PCDH15: variants seen among roughly 807,000 people sequenced by gnomAD.
PCDH15 encodes the protein protocadherin related 15.
In PCDH15, 129 loss-of-function variants were observed where a neutral mutation model predicts 178.5. The ratio of observed to expected loss-of-function variants is 0.72; its 90% CI spans 0.63 to 0.84. PCDH15 has a LOEUF of 0.84. Among genes scored for constraint, PCDH15 ranks in the 40% least tolerant of loss-of-function variants. The pLI is 0.00. For missense variants in PCDH15, 2,230 were observed against 2,099.9 expected (o/e 1.06, Z -1.21); for synonymous variants, 800 against 732.0 (o/e 1.09, Z -1.50).
intron 1 of PCDH15, among the ~76,000 whole-genome samples, chr10:54,780,951 A>G (rs1040554231): frequency 6.6e-6 from 1 of 152,064 alleles, no homozygotes; most frequent in Non-Finnish European, 1.5e-5. Context: ...TAAAGTCTCA[A>G]ATACAGTAAT....
intron 2 of PCDH15, among the ~76,000 whole-genome samples, chr10:55,412,603 A>G (rs1467077216): frequency 6.6e-6 from 1 of 152,006 alleles, no homozygotes; most frequent in Non-Finnish European, 1.5e-5. Context: ...AAGAATGGCT[A>G]AAGTATAAGG....
intron 10 of PCDH15, among the ~76,000 whole-genome samples, chr10:54,207,369 TGTGTGTGTA>T (rs2050914474): frequency 8.5e-5 from 1 of 11,706 alleles, no homozygotes; most frequent in African/African-American, 3.5e-4. Context: ...TTGTTTTGTG[TGTGTGTGTA>T]TGTGTGTGTG....
chr10:53,882,369 CT>C (rs2080787069), intron 26 of PCDH15, among the ~76,000 whole-genome samples: 1 of 152,168 alleles, frequency 6.6e-6, no homozygotes, highest in African/African-American at 2.4e-5. Context: ...TGATGGCCCC[CT>C]AGTCCCACTT....
At chr10:53,913,322 T>G (rs1277660610) in intron 25 of PCDH15, among the ~76,000 whole-genome samples, 1 of 152,092 alleles carries the variant, frequency 6.6e-6, no homozygotes, top group African/African-American at 2.4e-5. Context: ...ATGTTAGATC[T>G]AAAACCATAA....
chr10:54,729,403 C>T (rs1265168915), intron 1 of PCDH15, among the ~76,000 whole-genome samples: 2 of 150,916 alleles, frequency 1.3e-5, no homozygotes, highest in African/African-American at 4.8e-5. Flanking sequence ...CCTTTCACCA[C>T]ATATAAAAAT....
In PCDH15 at chr10:54,185,252, A is replaced by G. The variant is rs1408205242; in HGVS notation, c.1322T>C (p.Leu441Pro). 2 of 1,613,562 alleles carry G rather than the reference A, an allele frequency of 1.2e-6. No individual in the cohort carries two copies. Among genetic ancestry groups the G allele is most frequent in the South Asian group, 2.2e-5 (2 of 91,078 alleles). Reference protein sequence around the residue: ...KDIEDTKDPELHLFLNDYTSV... With the variant: ...KDIEDTKDPEPHLFLNDYTSV... Reference sequence around the variant, plus strand: ...GGTGTAGTCATTCAGAAAAAGGTGAAGCTCTGGGTCTTTTGTCTTTGAAAA... The same window carrying G: ...GGTGTAGTCATTCAGAAAAAGGTGAGGCTCTGGGTCTTTTGTCTTTGAAAA... The change falls in exon 12 of 38, where the codon CTT (leucine) becomes CCT (proline). Residue 441 changes from leucine (L) to proline (P), a missense_variant. Coordinates refer to ENST00000644397, the MANE Select transcript of PCDH15 (RefSeq NM_001384140.1).
intron 14 of PCDH15, among the ~76,000 whole-genome samples, chr10:54,152,545 A>C (rs1354314053): frequency 6.6e-6 from 1 of 152,028 alleles, no homozygotes; most frequent in East Asian, 1.9e-4. Context: ...CAGCAAAGTG[A>C]AGGAATATAT....
At chr10:54,530,667 C>T (rs1295153455) in intron 2 of PCDH15, among the ~76,000 whole-genome samples, 2 of 152,274 alleles carry the variant, frequency 1.3e-5, no homozygotes, top group African/African-American at 4.8e-5. Flanking sequence ...TGCTTAACTA[C>T]ATTTTCTCCT....
chr10:53,977,338 A>G (rs555963831), intron 21 of PCDH15, among the ~76,000 whole-genome samples: 1 of 152,318 alleles, frequency 6.6e-6, no homozygotes, highest in South Asian at 2.1e-4. Context: ...AAAATCACAA[A>G]TAAACCTCAT....
chr10:55,109,735 G>T (rs1407981567), intron 2 of PCDH15, among the ~76,000 whole-genome samples: 1 of 151,794 alleles, frequency 6.6e-6, no homozygotes, highest in Admixed American at 6.6e-5. Context: ...TCCTATTTTT[G>T]ATTCATTCAG....
chr10:55,216,899 A>G (rs536187997), intron 1 of PCDH15, among the ~76,000 whole-genome samples: 44 of 151,958 alleles, frequency 2.9e-4, no homozygotes, highest in African/African-American at 1.0e-3. Context: ...ATGTAAGTAA[A>G]GCTTGGTTTA....
At chr10:54,592,581 CT>C (rs1191752884) in intron 2 of PCDH15, among the ~76,000 whole-genome samples, 1 of 152,224 alleles carries the variant, frequency 6.6e-6, no homozygotes, top group East Asian at 1.9e-4. Context: ...CCACATTTTC[CT>C]TATTCATTTA....
chr10:55,524,682 A>G (rs539082186), intron 2 of PCDH15, among the ~76,000 whole-genome samples: 1 of 151,572 alleles, frequency 6.6e-6, no homozygotes, highest in South Asian at 2.1e-4. Context: ...TATTGCATGT[A>G]TTTGTTTCTG....
At chr10:55,208,634 G>A (rs532719255) in intron 1 of PCDH15, among the ~76,000 whole-genome samples, 6 of 151,938 alleles carry the variant, frequency 3.9e-5, no homozygotes, top group Admixed American at 2.0e-4. Context: ...TCCTTAGCCA[G>A]GAATACTGCT....
chr10:54,076,770 C>T (rs1027381645), intron 17 of PCDH15, among the ~76,000 whole-genome samples: 3 of 152,182 alleles, frequency 2.0e-5, no homozygotes, highest in Admixed American at 6.5e-5. Flanking sequence ...AATGTGACCT[C>T]TTATCTCCAT....
intron 3 of PCDH15, among the ~76,000 whole-genome samples, chr10:54,478,590 A>T (rs2078452556): frequency 6.6e-6 from 1 of 152,120 alleles, no homozygotes; most frequent in Non-Finnish European, 1.5e-5. Flanking sequence ...AAAAATAAGC[A>T]TTTGCCTAAT....
intron 8 of PCDH15, among the ~76,000 whole-genome samples, chr10:54,290,889 T>C (rs1373243579): frequency 6.6e-6 from 1 of 152,176 alleles, no homozygotes; most frequent in Non-Finnish European, 1.5e-5. Flanking sequence ...ACACCCAGAT[T>C]CATAAAGCAA....
At chr10:54,049,809 T>C (rs190279010) in intron 18 of PCDH15, among the ~76,000 whole-genome samples, 2 of 152,140 alleles carry the variant, frequency 1.3e-5, no homozygotes, top group East Asian at 1.9e-4. Flanking sequence ...TTAGTAGAGA[T>C]AGGGTTTCAC....
At chr10:53,997,457 G>A (rs117553323) in intron 20 of PCDH15, among the ~76,000 whole-genome samples, 4,952 of 152,244 alleles carry the variant, frequency 0.033, 123 homozygotes, top group Non-Finnish European at 0.05. Flanking sequence ...CTGAAGGTTC[G>A]AAAGGAAGGA....
Sources: allele counts gnomAD v4.1 joint callset (sites outside exome capture counted in the v4.1 genomes callset), GRCh38; gene constraint gnomAD v4.1.1; transcripts MANE v1.5; gene names NCBI Gene and HGNC (gene_info 2026-07-23, HGNC 2026-07-21).